Variants in CLDN14 observed in about 807,000 individuals in gnomAD.
CLDN14 encodes the protein claudin-14.
Under a neutral mutation model 2.1 loss-of-function variants are expected in CLDN14, and 2 were observed. The observed-to-expected ratio is 0.96, with a 90% CI of 0.39 to 3.01. The LOEUF is 3.01. Among genes scored for constraint, CLDN14 ranks in the 30% most tolerant of loss-of-function variants. The pLI is 0.09. For synonymous variants in CLDN14, 136 were observed against 154.4 expected (o/e 0.88, Z 0.88); for missense variants, 298 against 328.0 (o/e 0.91, Z 0.71).
At chr21:36,547,493 G>A (rs1257142766) in intron 1 of CLDN14, among the ~76,000 whole-genome samples, 1 of 152,188 alleles carries the variant, frequency 6.6e-6, no homozygotes, top group Non-Finnish European at 1.5e-5. Context: ...AGAGTACTGT[G>A]AGCCTGTCAG....
intron 1 of CLDN14, among the ~76,000 whole-genome samples, chr21:36,538,039 G>C (rs923141012): frequency 2.6e-5 from 4 of 151,938 alleles, no homozygotes; most frequent in Admixed American, 6.6e-5. Flanking sequence ...AGAGAAAACT[G>C]TATATGACAA....
At chr21:36,510,258 C>T (rs914551205) in intron 2 of CLDN14, 1 of 152,212 alleles carries the variant, frequency 6.6e-6, no homozygotes, top group East Asian at 1.9e-4. Context: ...TGGCCAGTTC[C>T]GTTTTGACTA....
chr21:36,553,901 G>A (rs1297733731), intron 1 of CLDN14, among the ~76,000 whole-genome samples: 1 of 152,046 alleles, frequency 6.6e-6, no homozygotes, highest in Non-Finnish European at 1.5e-5. Flanking sequence ...TTTAGCCACC[G>A]CCCTGAGAAT....
At chr21:36,563,649 A>G (rs1270662000) in intron 1 of CLDN14, among the ~76,000 whole-genome samples, 4 of 152,200 alleles carry the variant, frequency 2.6e-5, no homozygotes, top group Admixed American at 2.0e-4. Flanking sequence ...GATTTTATGT[A>G]GGAAACGATT....
upstream of CLDN14, among the ~76,000 whole-genome samples, chr21:36,483,439 A>G (rs1362312639): frequency 6.6e-6 from 1 of 152,232 alleles, no homozygotes; most frequent in Non-Finnish European, 1.5e-5. Flanking sequence ...TGGGCCTCAG[A>G]AAGTTCCTGA....
chr21:36,508,978 C>G (rs1397160203), intron 2 of CLDN14, among the ~76,000 whole-genome samples: 1 of 152,224 alleles, frequency 6.6e-6, no homozygotes, highest in African/African-American at 2.4e-5. Flanking sequence ...AAAGAAGCCG[C>G]TGAGGCTGCT....
chr21:36,524,138 G>A (rs962090529), intron 1 of CLDN14, among the ~76,000 whole-genome samples: 16 of 151,328 alleles, frequency 1.1e-4, no homozygotes, highest in East Asian at 5.8e-4. Flanking sequence ...TTAATGAGAC[G>A]GGGTCTCACT....
chr21:36,508,736 T>C (rs192969801), intron 2 of CLDN14, among the ~76,000 whole-genome samples: 1 of 152,222 alleles, frequency 6.6e-6, no homozygotes, highest in Non-Finnish European at 1.5e-5. Flanking sequence ...GCCAGCTGAA[T>C]GTCTGCAACA....
upstream of CLDN14, among the ~76,000 whole-genome samples, chr21:36,481,524 A>T (rs2086844905): frequency 1.3e-5 from 2 of 152,240 alleles, no homozygotes; most frequent in Admixed American, 6.5e-5. Context: ...GTTGTGTATT[A>T]TTAGGAAACC....
intron 1 of CLDN14, among the ~76,000 whole-genome samples, chr21:36,537,656 CTT>C (rs71198822): frequency 2.1e-5 from 3 of 143,230 alleles, no homozygotes; most frequent in Non-Finnish European, 3.0e-5. Flanking sequence ...CTTTTCTTTT[CTT>C]TTTTTTTTTG....
chr21:36,467,407 C>A (rs1207604713), intron 1 of CLDN14, among the ~76,000 whole-genome samples: 1 of 152,112 alleles, frequency 6.6e-6, no homozygotes, highest in Non-Finnish European at 1.5e-5. Context: ...GGGGTCCCTC[C>A]CTGGGCATGT....
At position 36,518,075 on chromosome 21, in the gene CLDN14, T is replaced by TACACACACACACAC. The variant is rs3030072; in HGVS notation, c.-219-7589_-219-7576dup. The stretch of plus-strand genomic sequence containing the variant: ...ATAAATCTCTCTCCACTTACATACG[T>TACACACACACACAC]ACACACACACACACACACACACACA... On this transcript the variant is annotated intron_variant, in intron 1 of 2. Coordinates refer to the CLDN14 transcript ENST00000342108. Among the ~76,000 whole-genome samples the TACACACACACACAC allele has an allele frequency of 4.4e-3, 653 of 148,526 alleles. 8 individuals are homozygous for TACACACACACACAC. The highest frequency in any genetic ancestry group is 0.016 in the African/African-American group (620 of 39,854).
At position 36,570,999 on chromosome 21, in the gene CLDN14, G is replaced by A. The variant is rs187287722; in HGVS notation, c.-220+5412C>T. Among the ~76,000 whole-genome samples, 309 of 152,202 alleles carry A rather than the reference G, an allele frequency of 2.0e-3. 1 individual carries two copies. Among genetic ancestry groups the A allele is most frequent in the African/African-American group, 6.9e-3 (287 of 41,536 alleles). Reference sequence around the variant, plus strand: ...TGGGATTACAGGCACTCGCCACCACGCCCGGCTGATTTTTGTATTTTTAGT... The same window carrying A: ...TGGGATTACAGGCACTCGCCACCACACCCGGCTGATTTTTGTATTTTTAGT... On this transcript the variant is annotated intron_variant, in intron 1 of 2. Transcript: ENST00000342108.
At chr21:36,568,056 C>T (rs1247603984) in intron 1 of CLDN14, among the ~76,000 whole-genome samples, 4 of 152,082 alleles carry the variant, frequency 2.6e-5, no homozygotes, top group Non-Finnish European at 4.4e-5. Context: ...GGGAATGGTT[C>T]GGAGAAGCGC....
intron 1 of CLDN14, among the ~76,000 whole-genome samples, chr21:36,529,413 C>T (rs142479013): frequency 2.0e-5 from 3 of 152,086 alleles, no homozygotes; most frequent in East Asian, 1.9e-4. Flanking sequence ...CTCAGCCTCT[C>T]GAGTAGCTGG....
intron 1 of CLDN14, among the ~76,000 whole-genome samples, chr21:36,557,151 C>T (rs1291030531): frequency 6.6e-6 from 1 of 152,092 alleles, no homozygotes; most frequent in Admixed American, 6.5e-5. Flanking sequence ...GAATAATATT[C>T]CATTGTATGT....
At chr21:36,546,039 G>A (rs1334788113) in intron 1 of CLDN14, among the ~76,000 whole-genome samples, 1 of 152,184 alleles carries the variant, frequency 6.6e-6, no homozygotes, top group Non-Finnish European at 1.5e-5. Context: ...ACTGTAACCT[G>A]GGACTTATTA....
At chr21:36,467,450 A>T (rs1190551490) in intron 1 of CLDN14, among the ~76,000 whole-genome samples, 1 of 152,002 alleles carries the variant, frequency 6.6e-6, no homozygotes, top group African/African-American at 2.4e-5. Flanking sequence ...CTATCTTCAG[A>T]AGTCCTTTCT....
chr21:36,572,571 G>A (rs1388560470), intron 1 of CLDN14, among the ~76,000 whole-genome samples: 1 of 152,166 alleles, frequency 6.6e-6, no homozygotes, highest in Non-Finnish European at 1.5e-5. Context: ...ATGGAAGTTG[G>A]CATCATTTCT....
Sources: allele counts gnomAD v4.1 joint callset (sites outside exome capture counted in the v4.1 genomes callset), GRCh38; gene constraint gnomAD v4.1.1; transcripts MANE v1.5; gene names NCBI Gene and HGNC (gene_info 2026-07-23, HGNC 2026-07-21).